SHISA9: variants seen among roughly 807,000 people sequenced by gnomAD.
The protein encoded by SHISA9 is protein shisa-9.
Under a neutral mutation model 38.0 loss-of-function variants are expected in SHISA9, and 13 were observed. The ratio of observed to expected loss-of-function variants is 0.34; its 90% confidence interval spans 0.22 to 0.54. The LOEUF (loss-of-function observed/expected upper bound fraction) is 0.54. SHISA9 is among the 20% of genes least tolerant of loss of function. SHISA9 has a pLI of 0.91. For missense variants in SHISA9, 538 were observed against 575.8 expected (o/e 0.93, Z 0.67); for synonymous variants, 275 against 242.0 (o/e 1.14, Z -1.27).
the SHISA9 span, among the ~76,000 whole-genome samples, chr16:13,437,066 C>T: frequency 6.6e-6 from 1 of 152,134 alleles, no homozygotes; most frequent in Non-Finnish European, 1.5e-5. Flanking sequence ...GATTCAGTTA[C>T]CTCCCACCGG....
At chr16:13,068,712 T>C (rs1031158912) in intron 2 of SHISA9, among the ~76,000 whole-genome samples, 1 of 152,216 alleles carries the variant, frequency 6.6e-6, no homozygotes, top group Non-Finnish European at 1.5e-5. Flanking sequence ...TAAAAGGGTC[T>C]GAGATGTGTG....
the SHISA9 span, among the ~76,000 whole-genome samples, chr16:13,482,741 C>T: frequency 6.7e-6 from 1 of 148,236 alleles, no homozygotes; most frequent in Admixed American, 6.9e-5. Context: ...GTCAAGGCTG[C>T]AATGAGCCCT....
chr16:13,488,185 C>T, the SHISA9 span, among the ~76,000 whole-genome samples: 7 of 151,642 alleles, frequency 4.6e-5, no homozygotes, highest in African/African-American at 4.8e-5. Context: ...CTTTACCTCC[C>T]GACCATTCTT....
chr16:13,360,725 C>T, the SHISA9 span, among the ~76,000 whole-genome samples: 2 of 152,168 alleles, frequency 1.3e-5, no homozygotes, highest in East Asian at 1.9e-4. Context: ...AGTCAAGCCT[C>T]GCATAGGTGG....
chr16:13,229,624 T>G (rs2051311888), intron 4 of SHISA9, among the ~76,000 whole-genome samples: 1 of 152,204 alleles, frequency 6.6e-6, no homozygotes, highest in African/African-American at 2.4e-5. Context: ...TGAACACTTT[T>G]AAAGCTCCCC....
intron 2 of SHISA9, among the ~76,000 whole-genome samples, chr16:13,189,572 C>A (rs1349770462): frequency 6.6e-6 from 1 of 152,102 alleles, no homozygotes; most frequent in Non-Finnish European, 1.5e-5. Flanking sequence ...TTTTATTTGG[C>A]CTTTCTGAGT....
intron 2 of SHISA9, among the ~76,000 whole-genome samples, chr16:13,041,661 C>G (rs910641614): frequency 1.3e-5 from 2 of 152,210 alleles, no homozygotes; most frequent in African/African-American, 2.4e-5. Flanking sequence ...ATCTGATGAG[C>G]TGCATGCACA....
At chr16:13,525,768 A>G in the SHISA9 span, among the ~76,000 whole-genome samples, 1 of 152,266 alleles carries the variant, frequency 6.6e-6, no homozygotes, top group African/African-American at 2.4e-5. Context: ...TCCATGTATC[A>G]GCTACAATTA....
chr16:13,260,977 A>G, the SHISA9 span, among the ~76,000 whole-genome samples: 2 of 152,190 alleles, frequency 1.3e-5, no homozygotes, highest in Admixed American at 1.3e-4. Context: ...ATGAGGAAGA[A>G]GCAAAAGCAG....
intron 2 of SHISA9, among the ~76,000 whole-genome samples, chr16:13,133,753 A>G (rs2050324742): frequency 1.3e-5 from 2 of 152,140 alleles, no homozygotes; most frequent in Non-Finnish European, 2.9e-5. Context: ...TTCTCTGTCA[A>G]TTGCTACATC....
At chr16:13,347,395 T>C in the SHISA9 span, among the ~76,000 whole-genome samples, 72 of 152,292 alleles carry the variant, frequency 4.7e-4, 1 homozygote, top group East Asian at 0.013. Flanking sequence ...ACATCTTTTA[T>C]TGAGTCCATC....
At chr16:13,050,285 T>C (rs1252859177) in intron 2 of SHISA9, among the ~76,000 whole-genome samples, 1 of 152,142 alleles carries the variant, frequency 6.6e-6, no homozygotes, top group Non-Finnish European at 1.5e-5. Flanking sequence ...TATGGATAAA[T>C]TAATTTTTTC....
chr16:13,497,292 A>T, the SHISA9 span, among the ~76,000 whole-genome samples: 1 of 152,184 alleles, frequency 6.6e-6, no homozygotes, highest in Admixed American at 6.5e-5. Flanking sequence ...ATTTTGATAC[A>T]TGTTTACAAT....
At chr16:12,915,804 T>C (rs530249304) in intron 1 of SHISA9, among the ~76,000 whole-genome samples, 1 of 152,280 alleles carries the variant, frequency 6.6e-6, no homozygotes, top group East Asian at 1.9e-4. Flanking sequence ...AAAAACACTG[T>C]TTATGTAAAA....
intron 4 of SHISA9, among the ~76,000 whole-genome samples, chr16:13,220,920 T>A (rs2051217917): frequency 6.6e-6 from 1 of 152,076 alleles, no homozygotes; most frequent in South Asian, 2.1e-4. Flanking sequence ...GGGCCCATGG[T>A]ACAGGCTGGA....
At chr16:12,975,100 C>T (rs969970924) in intron 2 of SHISA9, among the ~76,000 whole-genome samples, 2 of 152,186 alleles carry the variant, frequency 1.3e-5, no homozygotes, top group African/African-American at 2.4e-5. Flanking sequence ...ATCTGAGCAA[C>T]ATTCCCTGCT....
chr16:13,400,412 A>T, the SHISA9 span, among the ~76,000 whole-genome samples: 2 of 152,112 alleles, frequency 1.3e-5, no homozygotes, highest in South Asian at 2.1e-4. Context: ...TAGCAAGTAA[A>T]CTCTTTGCAT....
In SHISA9 at chr16:13,167,072, CTT is replaced by C. The variant is rs11372669; in HGVS notation, c.692-36306_692-36305del. The stretch of plus-strand genomic sequence containing the variant: ...CTTCTTCTCTCTCTCTCTCTTTTTT[CTT>C]TTTTTTTTTTTTTTTGAGACAGAGT... On this transcript the variant is annotated intron_variant, in intron 2 of 4. Transcript: ENST00000558583. 1.1e-4 allele frequency among the ~76,000 whole-genome samples: 14 copies of C among 124,420 alleles called. 1 individual carries two copies. Among genetic ancestry groups the C allele is most frequent in the Admixed American group, 1.7e-4 (2 of 11,512 alleles). 81.6% of individuals were successfully genotyped at this position (124,420 alleles called of 152,430 possible). A position where few individuals can be genotyped will look rare whatever the true frequency, so the allele number is the denominator to read the frequency against.
chr16:13,502,931 T>C, the SHISA9 span, among the ~76,000 whole-genome samples: 1 of 152,206 alleles, frequency 6.6e-6, no homozygotes, highest in East Asian at 1.9e-4. Context: ...GAAAGACAGA[T>C]AATGAGTCAA....
Sources: allele counts gnomAD v4.1 joint callset (sites outside exome capture counted in the v4.1 genomes callset), GRCh38; gene constraint gnomAD v4.1.1; transcripts MANE v1.5; gene names NCBI Gene and HGNC (gene_info 2026-07-23, HGNC 2026-07-21).